The following CAMTA1 variants were observed in gnomAD, a reference collection of about 807,000 sequenced individuals.
The protein encoded by CAMTA1 is calmodulin binding transcription activator 1, also known as calmodulin-binding transcription activator 1.
Under a neutral mutation model 170.9 loss-of-function variants are expected in CAMTA1, and 27 were observed. The observed-to-expected ratio is 0.16, with a 90% confidence interval of 0.12 to 0.22. The LOEUF (loss-of-function observed/expected upper bound fraction) is 0.22, where lower values mean the gene tolerates loss of function less well. Among genes scored for constraint, CAMTA1 ranks in the 10% least tolerant of loss-of-function variants. The probability of loss-of-function intolerance (pLI) is 1.00; values close to 1 mark genes in which losing one functional copy is unlikely to be tolerated. For missense variants in CAMTA1, 1,619 were observed against 2,217.2 expected (o/e 0.73, Z 5.42); for synonymous variants, 833 against 891.5 (o/e 0.93, Z 1.17).
At chr1:7,241,194 A>G (rs563259447) in intron 4 of CAMTA1, among the ~76,000 whole-genome samples, 5 of 152,352 alleles carry the variant, frequency 3.3e-5, no homozygotes, top group South Asian at 2.1e-4. Flanking sequence ...CATTCATAAT[A>G]TCTTCAAAAT....
intron 5 of CAMTA1, among the ~76,000 whole-genome samples, chr1:7,445,915 T>C (rs1267256899): frequency 6.6e-6 from 1 of 152,098 alleles, no homozygotes; most frequent in East Asian, 1.9e-4. Flanking sequence ...TCCCAGAGCC[T>C]GCGAGTCCAA....
chr1:7,103,791 A>C (rs934954004), intron 4 of CAMTA1, among the ~76,000 whole-genome samples: 10 of 151,368 alleles, frequency 6.6e-5, no homozygotes, highest in South Asian at 2.1e-4. Context: ...CTACACGTAC[A>C]TACAACGCAC....
chr1:6,862,056 G>A (rs1320810307), intron 3 of CAMTA1, among the ~76,000 whole-genome samples: 3 of 151,198 alleles, frequency 2.0e-5, no homozygotes, highest in Non-Finnish European at 4.4e-5. Flanking sequence ...CCTGCCTCCC[G>A]GGTTCAAGCT....
chr1:7,602,491 T>C (rs1307056276), intron 6 of CAMTA1, among the ~76,000 whole-genome samples: 2 of 152,150 alleles, frequency 1.3e-5, no homozygotes, highest in East Asian at 1.9e-4. Context: ...TCTGTGGGAT[T>C]GGTGGTGATA....
rs144662671 is a variant in CAMTA1 at position 7,581,813 on chromosome 1, G to A, written c.511-58587G>A. 6.4e-3 allele frequency among the ~76,000 whole-genome samples: 971 copies of A among 152,320 alleles called. 13 individuals carry two copies. Among genetic ancestry groups the A allele is most frequent in the African/African-American group, 0.023 (941 of 41,560 alleles). ...CTGGAGTTCAAACAGCTCAGTTCTA[G>A]TTTCTAACTCTGTACTGAGGGGCTT... On this transcript the variant is annotated intron_variant, in intron 6 of 22. Coordinates refer to ENST00000303635, the MANE Select transcript of CAMTA1 (RefSeq NM_015215.4).
chr1:7,593,178 CA>C (rs1416224974), intron 6 of CAMTA1, among the ~76,000 whole-genome samples: 2 of 152,150 alleles, frequency 1.3e-5, no homozygotes, highest in Non-Finnish European at 2.9e-5. Context: ...CAAGACATTC[CA>C]GGGGGAGAAA....
At chr1:7,412,156 C>T (rs1240270315) in intron 5 of CAMTA1, among the ~76,000 whole-genome samples, 5 of 152,194 alleles carry the variant, frequency 3.3e-5, no homozygotes, top group East Asian at 3.9e-4. Flanking sequence ...TCCAGTCTAT[C>T]GTTGTTGGAC....
intron 19 of CAMTA1, chr1:7,750,838 A>G: frequency 3.6e-6 from 1 of 279,156 alleles, no homozygotes; most frequent in East Asian, 7.9e-5. Context: ...TTAGTGTTTC[A>G]AAACTGGATA....
chr1:7,149,740 C>T (rs908251209), intron 4 of CAMTA1, among the ~76,000 whole-genome samples: 28 of 152,180 alleles, frequency 1.8e-4, no homozygotes, highest in Admixed American at 5.9e-4. Flanking sequence ...GCCATGTTCC[C>T]GGAATAACTC....
intron 1 of CAMTA1, among the ~76,000 whole-genome samples, chr1:6,802,135 G>A (rs996289866): frequency 2.6e-5 from 4 of 152,228 alleles, no homozygotes; most frequent in African/African-American, 9.7e-5. Context: ...AAACTGAAGT[G>A]CAGCTGGGCA....
intron 1 of CAMTA1, among the ~76,000 whole-genome samples, chr1:6,799,858 T>A (rs1229253626): frequency 6.6e-6 from 1 of 152,098 alleles, no homozygotes; most frequent in Non-Finnish European, 1.5e-5. Flanking sequence ...AAACCATGGA[T>A]AAGAGGGGGA....
At chr1:7,503,763 T>A (rs2094050313) in intron 6 of CAMTA1, among the ~76,000 whole-genome samples, 1 of 152,122 alleles carries the variant, frequency 6.6e-6, no homozygotes, top group Non-Finnish European at 1.5e-5. Context: ...GAGCCTCCTG[T>A]TTGTGTGTAG....
intron 5 of CAMTA1, among the ~76,000 whole-genome samples, chr1:7,467,352 G>A (rs1407314979): frequency 6.6e-6 from 1 of 152,262 alleles, no homozygotes; most frequent in Non-Finnish European, 1.5e-5. Flanking sequence ...GTCCCCCCTG[G>A]TTGGGCTCGT....
chr1:7,361,694 A>T (rs755619953), intron 5 of CAMTA1, among the ~76,000 whole-genome samples: 1 of 152,258 alleles, frequency 6.6e-6, no homozygotes, highest in Non-Finnish European at 1.5e-5. Flanking sequence ...ACTTTTATGC[A>T]TGGCAATAAA....
At position 7,604,947 on chromosome 1, in the gene CAMTA1, C is replaced by G. The variant is rs559735784; in HGVS notation, c.511-35453C>G. Among the ~76,000 whole-genome samples, 404 of 152,300 alleles carry G rather than the reference C, an allele frequency of 2.7e-3. 3 individuals are homozygous for G. The highest frequency in any genetic ancestry group is 8.7e-3 in the African/African-American group (361 of 41,552). On this transcript the variant is annotated intron_variant, in intron 6 of 22. Coordinates refer to ENST00000303635, the MANE Select transcript of CAMTA1 (RefSeq NM_015215.4). Reference sequence around the variant, plus strand: ...TGTTGGAGTTTGCTGGAGGTCCACTCCAGACCCTGTTTGCCTGGATATCAG... The same window carrying G: ...TGTTGGAGTTTGCTGGAGGTCCACTGCAGACCCTGTTTGCCTGGATATCAG...
In CAMTA1 at chr1:7,758,791, C is replaced by G. The variant is rs533881404; in HGVS notation, c.4989+3123C>G. The stretch of plus-strand genomic sequence containing the variant: ...TCTACTGAAAATACAAAAAATTAGC[C>G]GGTTGCGGTGGCGGGCGCCTGTAGT... On this transcript the variant is annotated intron_variant, in intron 22 of 22. Transcript: ENST00000303635. Among the ~76,000 whole-genome samples the G allele has an allele frequency of 3.2e-4, 48 of 151,930 alleles. 1 individual carries two copies. Among genetic ancestry groups the G allele is most frequent in the Non-Finnish European group, 6.5e-4 (44 of 67,936 alleles).
At chr1:6,945,310 G>A (rs1479230661) in intron 3 of CAMTA1, among the ~76,000 whole-genome samples, 1 of 152,048 alleles carries the variant, frequency 6.6e-6, no homozygotes, top group Non-Finnish European at 1.5e-5. Flanking sequence ...AACCCACAAA[G>A]GAAACCCTAT....
rs1460143215 is a variant in CAMTA1, at chr1:7,769,693, A to G, written c.*3202A>G. 6.6e-6 allele frequency: 1 copy of G among 152,420 alleles called. No homozygotes were observed. The highest frequency in any genetic ancestry group is 1.9e-4 in the East Asian group (1 of 5,340). The allele number at this position is 152,420 out of a possible 1,614,324, so 9.4% of individuals were successfully genotyped here. On this transcript the variant is annotated 3_prime_UTR_variant, in exon 23 of 23. Coordinates refer to ENST00000303635, the MANE Select transcript of CAMTA1 (RefSeq NM_015215.4). ...TTTCTGCTGTAAATTAAAAATGAAG[A>G]AAATTTCCCCATACTACGTGTGTGT...
intron 4 of CAMTA1, among the ~76,000 whole-genome samples, chr1:7,184,888 C>T (rs765229734): frequency 2.6e-5 from 4 of 152,086 alleles, no homozygotes; most frequent in Non-Finnish European, 2.9e-5. Context: ...CTTTTGGGCT[C>T]TGTATTTTGG....
Sources: allele counts gnomAD v4.1 joint callset (sites outside exome capture counted in the v4.1 genomes callset), GRCh38; gene constraint gnomAD v4.1.1; transcripts MANE v1.5; gene names NCBI Gene and HGNC (gene_info 2026-07-23, HGNC 2026-07-21).